Variants in PCDH15 observed in about 807,000 individuals in gnomAD.
PCDH15 encodes the protein protocadherin related 15.
Under a neutral mutation model 178.5 loss-of-function variants are expected in PCDH15, and 129 were observed. The observed-to-expected ratio is 0.72, with a 90% CI of 0.63 to 0.84. PCDH15 has a LOEUF of 0.84. Among genes scored for constraint, PCDH15 ranks in the 40% least tolerant of loss-of-function variants. The pLI, the probability that PCDH15 is intolerant of heterozygous loss-of-function variation, is 0.00. For synonymous variants in PCDH15, 800 were observed against 732.0 expected (o/e 1.09, Z -1.50); for missense variants, 2,230 against 2,099.9 (o/e 1.06, Z -1.21).
chr10:55,451,711 C>T (rs1045254626), intron 2 of PCDH15, among the ~76,000 whole-genome samples: 3 of 152,100 alleles, frequency 2.0e-5, no homozygotes, highest in Admixed American at 6.5e-5. Context: ...ATGATTTTCA[C>T]GGAGAAAACC....
intron 3 of PCDH15, among the ~76,000 whole-genome samples, chr10:54,500,567 C>T (rs2080576236): frequency 6.6e-6 from 1 of 152,068 alleles, no homozygotes; most frequent in African/African-American, 2.4e-5. Flanking sequence ...CGGTGGTTCA[C>T]AGGTGTAACC....
At chr10:54,461,147 T>C (rs2077141286) in intron 3 of PCDH15, among the ~76,000 whole-genome samples, 4 of 152,106 alleles carry the variant, frequency 2.6e-5, no homozygotes, top group Non-Finnish European at 5.9e-5. Context: ...ATATTCTTCA[T>C]TGTGTTCATA....
At chr10:54,557,968 T>A (rs2087527106) in intron 2 of PCDH15, among the ~76,000 whole-genome samples, 1 of 152,164 alleles carries the variant, frequency 6.6e-6, no homozygotes, top group South Asian at 2.1e-4. Flanking sequence ...GTTTTCATAA[T>A]CAAAAATATT....
intron 8 of PCDH15, among the ~76,000 whole-genome samples, chr10:54,238,658 G>T (rs1481460590): frequency 2.0e-5 from 1 of 48,834 alleles, no homozygotes; most frequent in African/African-American, 1.0e-4. Flanking sequence ...CTCCCATGCT[G>T]CCTCTCTCTC....
chr10:54,594,226 A>C (rs1474873408), intron 2 of PCDH15, among the ~76,000 whole-genome samples: 1 of 152,194 alleles, frequency 6.6e-6, no homozygotes, highest in Non-Finnish European at 1.5e-5. Context: ...TGGTAGGGAC[A>C]GAACTCCAGC....
chr10:53,877,292 G>T (rs977168499), intron 26 of PCDH15, among the ~76,000 whole-genome samples: 3 of 151,904 alleles, frequency 2.0e-5, no homozygotes, highest in Non-Finnish European at 4.4e-5. Flanking sequence ...TGAGCTAATT[G>T]TTCTAACTTT....
At chr10:54,160,390 G>T (rs2045587270) in intron 13 of PCDH15, among the ~76,000 whole-genome samples, 1 of 152,134 alleles carries the variant, frequency 6.6e-6, no homozygotes, top group African/African-American at 2.4e-5. Context: ...TGAACTGAGA[G>T]ATTTACCTCA....
chr10:54,342,986 G>T (rs966290509), intron 6 of PCDH15, among the ~76,000 whole-genome samples: 1 of 152,104 alleles, frequency 6.6e-6, no homozygotes, highest in African/African-American at 2.4e-5. Flanking sequence ...ACTTGTTTTT[G>T]ATTTTATAGG....
intron 2 of PCDH15, among the ~76,000 whole-genome samples, chr10:54,937,529 A>T (rs1564645599): frequency 6.6e-6 from 1 of 151,426 alleles, no homozygotes; most frequent in Non-Finnish European, 1.5e-5. Flanking sequence ...TAAGACTTTC[A>T]CTTATTTTGT....
chr10:55,536,985 T>C (rs1841592102), intron 2 of PCDH15, among the ~76,000 whole-genome samples: 1 of 152,152 alleles, frequency 6.6e-6, no homozygotes, highest in South Asian at 2.1e-4. Flanking sequence ...AATTTAGATT[T>C]TTTTTCTGTC....
At chr10:55,120,714 A>C (rs1054848613) in intron 2 of PCDH15, among the ~76,000 whole-genome samples, 2 of 152,204 alleles carry the variant, frequency 1.3e-5, no homozygotes, top group African/African-American at 4.8e-5. Flanking sequence ...TCTCACCTCA[A>C]GTATCTGCTC....
intron 4 of PCDH15, among the ~76,000 whole-genome samples, chr10:54,373,152 AT>A (rs1011188615): frequency 4.6e-5 from 7 of 151,674 alleles, no homozygotes; most frequent in African/African-American, 1.5e-4. Context: ...AATCCAATAT[AT>A]TTTTTTTCTA....
chr10:54,347,846 A>ATTATTTATTTAT (rs374427938), intron 5 of PCDH15, among the ~76,000 whole-genome samples: 5,893 of 151,620 alleles, frequency 0.039, 374 homozygotes, highest in African/African-American at 0.14. Context: ...ACAGATTTTT[A>ATTATTTATTTAT]TTATTTATTT....
Position 54,642,472 on chromosome 10 carries a change from T to C in PCDH15, c.91+21700A>G, listed in dbSNP as rs78410888. Among the ~76,000 whole-genome samples, 1,115 of 152,302 alleles carry C rather than the reference T, an allele frequency of 7.3e-3. 16 individuals carry two copies. The highest frequency in any genetic ancestry group is 0.026 in the African/African-American group (1,067 of 41,570). On this transcript the variant is annotated intron_variant, in intron 2 of 37. Transcript: ENST00000644397. Reference sequence around the variant, plus strand: ...TATATATTATTCCCTCCATTTAGAATAAACTCCTTGCCCCATTATCTTTCA... The same window carrying C: ...TATATATTATTCCCTCCATTTAGAACAAACTCCTTGCCCCATTATCTTTCA...
chr10:54,489,504 G>C (rs1263470500), intron 3 of PCDH15, among the ~76,000 whole-genome samples: 3 of 152,028 alleles, frequency 2.0e-5, no homozygotes, highest in African/African-American at 7.2e-5. Context: ...GCTACAAGAG[G>C]AGTTGTTAAA....
chr10:54,634,320 G>T (rs2093787797), intron 2 of PCDH15, among the ~76,000 whole-genome samples: 1 of 151,872 alleles, frequency 6.6e-6, no homozygotes, highest in Non-Finnish European at 1.5e-5. Flanking sequence ...TAAATATTTT[G>T]CATATGTCAT....
At chr10:53,994,292 C>T (rs11003975) in intron 21 of PCDH15, among the ~76,000 whole-genome samples, 13,784 of 152,134 alleles carry the variant, frequency 0.091, 1,813 homozygotes, top group African/African-American at 0.29. Flanking sequence ...TCATCATTAA[C>T]GCCATTAAAC....
intron 3 of PCDH15, among the ~76,000 whole-genome samples, chr10:54,382,560 C>G (rs1193558574): frequency 6.6e-6 from 1 of 152,096 alleles, no homozygotes. Context: ...TTCTATTTCC[C>G]ATGTATATGA....
intron 20 of PCDH15, among the ~76,000 whole-genome samples, chr10:54,000,196 A>T (rs2092060398): frequency 6.6e-6 from 1 of 152,190 alleles, no homozygotes; most frequent in Non-Finnish European, 1.5e-5. Flanking sequence ...ATACCTGAAA[A>T]GCTTTCCAAA....
Sources: gnomAD v4.1 joint callset for allele counts (sites outside exome capture counted in the v4.1 genomes callset) on GRCh38, gnomAD v4.1.1 for gene constraint, MANE v1.5 for transcripts, NCBI Gene and HGNC (gene_info 2026-07-23, HGNC 2026-07-21) for gene names.